Variants in NELL1 observed in about 807,000 individuals in gnomAD.
NELL1 encodes neural EGFL like 1, also known as protein kinase C-binding protein NELL1.
A neutral mutation model predicts 107.4 loss-of-function variants in NELL1; 76 were observed. The ratio of observed to expected loss-of-function variants is 0.71; its 90% confidence interval spans 0.59 to 0.86. The LOEUF (loss-of-function observed/expected upper bound fraction) is 0.86, where lower values mean the gene tolerates loss of function less well. Among genes scored for constraint, NELL1 ranks in the 40% least tolerant of loss-of-function variants. The pLI is 0.00. For missense variants in NELL1, 1,024 were observed against 1,005.5 expected (o/e 1.02, Z -0.25); for synonymous variants, 353 against 341.2 (o/e 1.03, Z -0.38).
chr11:20,893,260 G>T (rs1849655630), intron 5 of NELL1, among the ~76,000 whole-genome samples: 2 of 152,080 alleles, frequency 1.3e-5, no homozygotes, highest in Non-Finnish European at 2.9e-5. Context: ...GCCTGTTGGG[G>T]GGTGAGGGGT....
At chr11:20,729,164 T>C (rs1173520827) in intron 2 of NELL1, among the ~76,000 whole-genome samples, 1 of 152,180 alleles carries the variant, frequency 6.6e-6, no homozygotes, top group Admixed American at 6.5e-5. Flanking sequence ...TTTTGTGTCA[T>C]GAAAGCTTGC....
At chr11:21,257,411 C>A (rs762123603) in intron 14 of NELL1, among the ~76,000 whole-genome samples, 6 of 152,014 alleles carry the variant, frequency 3.9e-5, no homozygotes, top group Admixed American at 6.6e-5. Context: ...CTCACATTTT[C>A]ATCTGCAAGT....
chr11:20,989,715 G>A (rs12574762), intron 12 of NELL1, among the ~76,000 whole-genome samples: 19,080 of 152,160 alleles, frequency 0.13, 1,401 homozygotes, highest in East Asian at 0.25. Flanking sequence ...AGTCTAGGCC[G>A]GGTGTGGTGG....
intron 15 of NELL1, among the ~76,000 whole-genome samples, chr11:21,408,185 C>T (rs1852281174): frequency 6.6e-6 from 1 of 151,984 alleles, no homozygotes; most frequent in South Asian, 2.1e-4. Context: ...AAGGAAGCCA[C>T]TCCCAAGTGA....
chr11:20,788,984 T>C (rs1484918378), intron 3 of NELL1, among the ~76,000 whole-genome samples: 1 of 152,238 alleles, frequency 6.6e-6, no homozygotes, highest in Non-Finnish European at 1.5e-5. Flanking sequence ...TCACCACTTG[T>C]TGAAGACTGC....
intron 14 of NELL1, among the ~76,000 whole-genome samples, chr11:21,303,488 G>T (rs1849542175): frequency 6.6e-6 from 1 of 151,924 alleles, no homozygotes; most frequent in African/African-American, 2.4e-5. Context: ...GTTTCCATCT[G>T]ACTGTAGCCT....
At chr11:21,299,900 A>G (rs1340792262) in intron 14 of NELL1, among the ~76,000 whole-genome samples, 1 of 152,008 alleles carries the variant, frequency 6.6e-6, no homozygotes, top group Non-Finnish European at 1.5e-5. Context: ...ATTTGCTCCC[A>G]TGCCATACTA....
intron 14 of NELL1, among the ~76,000 whole-genome samples, chr11:21,269,391 CAG>C (rs1848697569): frequency 6.6e-6 from 1 of 151,562 alleles, no homozygotes; most frequent in South Asian, 2.1e-4. Flanking sequence ...CACACACACA[CAG>C]AGGCATATCC....
At position 21,131,505 on chromosome 11, in the gene NELL1, T is replaced by C. The variant is rs533584721; in HGVS notation, c.1426+17791T>C. On this transcript the variant is annotated intron_variant, in intron 13 of 19. Transcript: ENST00000357134. ...TCATCTGCAGCAGGAGATTTTTGGATTATAAATGGACTTTTAGAAGTACCA... is the reference window on the plus strand; with the variant it reads ...TCATCTGCAGCAGGAGATTTTTGGACTATAAATGGACTTTTAGAAGTACCA... Among the ~76,000 whole-genome samples, 5 of 152,276 alleles carry C rather than the reference T, an allele frequency of 3.3e-5. No individual in the cohort carries two copies. The East Asian group carries it at 9.7e-4, about 29-fold the overall frequency.
Position 21,113,656 on chromosome 11 carries a change from G to C in NELL1, c.1368G>C (p.Gly456=). Residue 456 remains glycine, a synonymous_variant, in exon 13 of 20, where the codon GGG becomes GGC. Transcript: ENST00000357134. ...ATACTGTGTGTGTCAACCTTCCTGGGTTATATCGCTGTGACTGTGTCCCAG... is the reference window on the plus strand; with the variant it reads ...ATACTGTGTGTGTCAACCTTCCTGGCTTATATCGCTGTGACTGTGTCCCAG... ...HANTVCVNLP[G]LYRCDCVPGY... 6.2e-7 allele frequency: 1 copy of C among 1,612,254 alleles called. No individual in the cohort carries two copies. The highest frequency in any genetic ancestry group is 8.5e-7 in the Non-Finnish European group (1 of 1,178,780).
At chr11:21,291,251 G>A (rs887399523) in intron 14 of NELL1, among the ~76,000 whole-genome samples, 4 of 152,088 alleles carry the variant, frequency 2.6e-5, no homozygotes, top group Non-Finnish European at 4.4e-5. Flanking sequence ...CATTATTAAC[G>A]ATATAATGAA....
chr11:21,078,212 C>T (rs1854186726), intron 12 of NELL1, among the ~76,000 whole-genome samples: 1 of 152,062 alleles, frequency 6.6e-6, no homozygotes, highest in Non-Finnish European at 1.5e-5. Context: ...AATGCTACTA[C>T]ATTTTAATGG....
chr11:20,835,405 G>C (rs892505774), intron 3 of NELL1, among the ~76,000 whole-genome samples: 33 of 152,172 alleles, frequency 2.2e-4, no homozygotes, highest in African/African-American at 7.5e-4. Flanking sequence ...ATGTAAGCCT[G>C]GCTTAGCCTT....
intron 15 of NELL1, among the ~76,000 whole-genome samples, chr11:21,503,559 G>A (rs1372998636): frequency 6.6e-6 from 1 of 152,076 alleles, no homozygotes; most frequent in Non-Finnish European, 1.5e-5. Flanking sequence ...AATCCTTCTT[G>A]GGGTTGCTAT....
chr11:20,996,962 C>G (rs1254681506), intron 12 of NELL1, among the ~76,000 whole-genome samples: 2 of 152,108 alleles, frequency 1.3e-5, no homozygotes, highest in Non-Finnish European at 2.9e-5. Flanking sequence ...TTAGGAACTT[C>G]TCCTACATCA....
intron 2 of NELL1, among the ~76,000 whole-genome samples, chr11:20,740,394 T>C (rs1242657281): frequency 6.6e-6 from 1 of 152,200 alleles, no homozygotes; most frequent in Non-Finnish European, 1.5e-5. Context: ...GACTTTGTAA[T>C]TGGCCTTGCA....
intron 15 of NELL1, among the ~76,000 whole-genome samples, chr11:21,393,328 T>G (rs974348146): frequency 6.6e-6 from 1 of 151,116 alleles, no homozygotes; most frequent in Admixed American, 6.6e-5. Context: ...GACCAGGGGG[T>G]CAAAAGCTTT....
At chr11:21,451,546 A>T (rs187452829) in intron 15 of NELL1, among the ~76,000 whole-genome samples, 1 of 152,324 alleles carries the variant, frequency 6.6e-6, no homozygotes, top group Admixed American at 6.5e-5. Flanking sequence ...CAAATAATTA[A>T]TTTCATAATT....
chr11:21,452,937 G>A (rs1853624018), intron 15 of NELL1, among the ~76,000 whole-genome samples: 1 of 151,458 alleles, frequency 6.6e-6, no homozygotes, highest in African/African-American at 2.4e-5. Context: ...TTATATTGTA[G>A]GATTTAAAAA....
Sources: gnomAD v4.1 joint callset for allele counts (sites outside exome capture counted in the v4.1 genomes callset) on GRCh38, gnomAD v4.1.1 for gene constraint, MANE v1.5 for transcripts, NCBI Gene and HGNC (gene_info 2026-07-23, HGNC 2026-07-21) for gene names.